The following P3H2 variants were observed in gnomAD, a reference collection of about 807,000 sequenced individuals.
P3H2 encodes leprecan-like 1.
In P3H2, 80 loss-of-function variants were observed where a neutral mutation model predicts 87.0. That is an observed-to-expected ratio of 0.92 (90% CI 0.77 to 1.11). The LOEUF (loss-of-function observed/expected upper bound fraction) is 1.11, where lower values mean the gene tolerates loss of function less well. P3H2 is among the 50% of genes least tolerant of loss of function. P3H2 has a pLI of 0.00. For missense variants in P3H2, 1,001 were observed against 923.9 expected (o/e 1.08, Z -1.08); for synonymous variants, 367 against 359.3 (o/e 1.02, Z -0.24).
chr3:190,008,450 T>G (rs1724463987), intron 1 of P3H2, among the ~76,000 whole-genome samples: 1 of 152,176 alleles, frequency 6.6e-6, no homozygotes, highest in African/African-American at 2.4e-5. Context: ...TGTGTTTAAA[T>G]GAAGAGACTG....
At chr3:190,081,116 T>C (rs1022568633) in intron 1 of P3H2, among the ~76,000 whole-genome samples, 11 of 152,200 alleles carry the variant, frequency 7.2e-5, no homozygotes, top group Admixed American at 2.0e-4. Flanking sequence ...GTCTTTTACA[T>C]AGAACTAAAG....
At position 189,987,592 on chromosome 3, in the gene P3H2, T is replaced by C. The variant is rs533651939; in HGVS notation, c.1033A>G (p.Asn345Asp). 1 of 1,614,174 alleles carries C rather than the reference T, an allele frequency of 6.2e-7. No homozygotes were observed. The highest frequency in any genetic ancestry group is 1.1e-5 in the South Asian group (1 of 91,088). The part of the protein sequence containing the change: ...CHPDDEDVLD[N>D]VDYYESLLDD... ...AGCAGACTCTCATAGTAATCCACAT[T>C]GTCTAGGACATCCTCATCATCTGGA... The change falls in exon 5 of 15, where the codon AAT becomes GAT. Residue 345 changes from asparagine (N) to aspartate (D), a missense_variant. Transcript: ENST00000319332.
In P3H2 at chr3:189,984,567, T is replaced by G; in HGVS notation, c.1212A>C (p.Gly404=). The change falls in exon 7 of 15, where the codon GGA becomes GGC. Residue 404 remains glycine (G), a synonymous_variant. Transcript: ENST00000319332. ...GGACTTACCGATTCTCATCCTGTCG[T>G]CCTCCATATCTGATCCAATAATTCT... is the stretch of plus-strand genomic sequence containing the variant. ...TEPNYWIRYG[G]RQDENRVPSG... is the part of the protein sequence containing the mutation. 6.2e-7 allele frequency: 1 copy of G among 1,611,682 alleles called. No individual in the cohort carries two copies.
At chr3:190,104,416 G>A (rs1178488412) in intron 1 of P3H2, among the ~76,000 whole-genome samples, 4 of 152,036 alleles carry the variant, frequency 2.6e-5, no homozygotes, top group Admixed American at 1.3e-4. Flanking sequence ...GAGAGTGAGG[G>A]AAGAACTTCA....
chr3:190,082,822 T>C (rs1727086917), intron 1 of P3H2, among the ~76,000 whole-genome samples: 1 of 152,124 alleles, frequency 6.6e-6, no homozygotes, highest in African/African-American at 2.4e-5. Context: ...TGTTACTTAA[T>C]CAAGTGGGAA....
chr3:190,066,158 T>TATATATATATATACACACACACAC (rs1256956930), intron 1 of P3H2, among the ~76,000 whole-genome samples: 13 of 134,606 alleles, frequency 9.7e-5, no homozygotes, highest in African/African-American at 1.9e-4. Context: ...TATATATATA[T>TATATATATATATACACACACACAC]ACACACACAC....
intron 1 of P3H2, among the ~76,000 whole-genome samples, chr3:190,045,926 C>A (rs952502087): frequency 2.6e-5 from 4 of 152,034 alleles, no homozygotes; most frequent in African/African-American, 9.7e-5. Flanking sequence ...TCGAGACCAT[C>A]CTGGCTAACA....
chr3:189,959,567 C>G (rs1008733026), intron 14 of P3H2, among the ~76,000 whole-genome samples: 2 of 151,976 alleles, frequency 1.3e-5, no homozygotes, highest in African/African-American at 4.8e-5. Flanking sequence ...CCTCCCTTCT[C>G]CTCACCTTAT....
At chr3:190,074,419 G>A (rs1411244523) in intron 1 of P3H2, among the ~76,000 whole-genome samples, 1 of 152,138 alleles carries the variant, frequency 6.6e-6, no homozygotes. Flanking sequence ...GCTGAGGCAG[G>A]AGAATCACTT....
chr3:190,102,424 A>G (rs1711662483), intron 1 of P3H2, among the ~76,000 whole-genome samples: 1 of 152,236 alleles, frequency 6.6e-6, no homozygotes, highest in Non-Finnish European at 1.5e-5. Context: ...GTTTGGAAGA[A>G]GTTGATTCCA....
chr3:190,119,180 A>AGGAGAGGAGG (rs1560025878), intron 1 of P3H2, among the ~76,000 whole-genome samples: 30 of 51,906 alleles, frequency 5.8e-4, no homozygotes, highest in African/African-American at 2.0e-3. Context: ...GGGAGAGGAG[A>AGGAGAGGAGG]GGAGAGGAGA....
intron 1 of P3H2, among the ~76,000 whole-genome samples, chr3:190,019,791 T>C (rs200775048): frequency 2.3e-5 from 1 of 43,480 alleles, no homozygotes; most frequent in Admixed American, 2.0e-4. Context: ...AAAAAATATA[T>C]ATATATATAT....
At chr3:190,004,222 A>C (rs1422445804) in intron 1 of P3H2, among the ~76,000 whole-genome samples, 1 of 152,186 alleles carries the variant, frequency 6.6e-6, no homozygotes. Flanking sequence ...TTATAATATT[A>C]GTAATAAAAA....
chr3:190,072,661 T>C (rs572208090), intron 1 of P3H2, among the ~76,000 whole-genome samples: 2 of 152,260 alleles, frequency 1.3e-5, no homozygotes, highest in South Asian at 4.1e-4. Context: ...GATGCCAATA[T>C]GCTCATATAA....
At chr3:190,004,388 G>A (rs1326956912) in intron 1 of P3H2, among the ~76,000 whole-genome samples, 3 of 152,146 alleles carry the variant, frequency 2.0e-5, no homozygotes, top group Non-Finnish European at 4.4e-5. Flanking sequence ...TAATTTATTT[G>A]TTTATTTATT....
chr3:190,090,027 C>A (rs1727357296), intron 1 of P3H2, among the ~76,000 whole-genome samples: 1 of 152,126 alleles, frequency 6.6e-6, no homozygotes, highest in African/African-American at 2.4e-5. Context: ...TCATGAAGCA[C>A]AAAGACCGAA....
chr3:189,983,513 T>C (rs1175957932), intron 7 of P3H2: 1 of 191,370 alleles, frequency 5.2e-6, no homozygotes, highest in Non-Finnish European at 1.1e-5. Context: ...AACTGTTGAA[T>C]TGAAATAAAT....
At chr3:190,015,937 A>G (rs935832055) in intron 1 of P3H2, among the ~76,000 whole-genome samples, 8 of 152,048 alleles carry the variant, frequency 5.3e-5, no homozygotes, top group Non-Finnish European at 7.4e-5. Context: ...GTGTGTGTGC[A>G]TGTGCATGTG....
chr3:189,988,550 C>G (rs961588997), intron 4 of P3H2, among the ~76,000 whole-genome samples: 13 of 152,142 alleles, frequency 8.5e-5, no homozygotes, highest in Non-Finnish European at 1.3e-4. Context: ...GCACGTGATT[C>G]ACTGTGTGCC....
Sources: allele counts gnomAD v4.1 joint callset (sites outside exome capture counted in the v4.1 genomes callset), GRCh38; gene constraint gnomAD v4.1.1; transcripts MANE v1.5; gene names NCBI Gene and HGNC (gene_info 2026-07-23, HGNC 2026-07-21).